Variants in RAPGEF2 observed in about 807,000 individuals in gnomAD.
RAPGEF2 encodes the protein PDZ domain containing guanine nucleotide exchange factor (GEF) 1.
RAPGEF2 carries 54 observed loss-of-function variants against 186.7 expected under a neutral mutation model. The ratio of observed to expected loss-of-function variants is 0.29; its 90% CI spans 0.23 to 0.36. RAPGEF2 has a LOEUF of 0.36. Ranked by LOEUF, RAPGEF2 falls within the 10% of genes least tolerant of loss-of-function variation. The pLI is 1.00. For synonymous variants in RAPGEF2, 712 were observed against 705.9 expected (o/e 1.01, Z -0.14); for missense variants, 1,532 against 2,045.0 (o/e 0.75, Z 4.84).
At chr4:159,195,821 T>C (rs1176489267) in intron 3 of RAPGEF2, among the ~76,000 whole-genome samples, 1 of 151,688 alleles carries the variant, frequency 6.6e-6, no homozygotes, top group African/African-American at 2.4e-5. Context: ...CTAACAATTA[T>C]TATTGATTAC....
intron 1 of RAPGEF2, among the ~76,000 whole-genome samples, chr4:159,157,770 C>T (rs991266515): frequency 1.3e-5 from 2 of 152,208 alleles, no homozygotes; most frequent in African/African-American, 2.4e-5. Context: ...CCTTGAAAAA[C>T]ACTCCCAACA....
At chr4:159,347,760 C>G (rs776155622) in intron 25 of RAPGEF2, among the ~76,000 whole-genome samples, 2 of 152,220 alleles carry the variant, frequency 1.3e-5, no homozygotes, top group Non-Finnish European at 2.9e-5. Context: ...CTCCTCCAGC[C>G]TGGGCGAAAG....
Position 159,353,686 on chromosome 4 carries a change from G to A in RAPGEF2, c.4291G>A (p.Glu1431Lys). Residue 1431 changes from glutamate (E) to lysine (K), a missense_variant, in exon 28 of 30, where the codon GAG becomes AAG. Transcript: ENST00000691494. This position sits in a 1 kb window ranked among gnomAD's most constrained non-coding sequence, Gnocchi z 4.3. ...IQTIQHQRSW[E>K]TLPFGHTHFD... ...GACGATCCAGCACCAGAGAAGCTGG[G>A]AGACTCTTCCATTCGGGCATACTCA... 2 of 1,591,274 alleles carry A rather than the reference G, an allele frequency of 1.3e-6. No individual in the cohort carries two copies. The highest frequency in any genetic ancestry group is 1.7e-6 in the Non-Finnish European group (2 of 1,169,474).
chr4:159,195,141 T>C (rs1748502435), intron 3 of RAPGEF2, among the ~76,000 whole-genome samples: 2 of 152,078 alleles, frequency 1.3e-5, no homozygotes, highest in Non-Finnish European at 2.9e-5. Flanking sequence ...CTACACCAAA[T>C]ATAGAGTCGT....
chr4:159,225,921 C>CT (rs1172982629), intron 4 of RAPGEF2, among the ~76,000 whole-genome samples: 1 of 152,108 alleles, frequency 6.6e-6, no homozygotes, highest in Non-Finnish European at 1.5e-5. Context: ...TCCTCCTAAT[C>CT]TAACATGTGC....
chr4:159,167,943 A>G (rs547901310), intron 1 of RAPGEF2, among the ~76,000 whole-genome samples: 5 of 152,372 alleles, frequency 3.3e-5, no homozygotes, highest in East Asian at 1.9e-4. Flanking sequence ...ACATTTTTCT[A>G]TTACAGTAAA....
At chr4:159,224,747 C>G (rs1231390994) in intron 4 of RAPGEF2, among the ~76,000 whole-genome samples, 2 of 152,152 alleles carry the variant, frequency 1.3e-5, no homozygotes, top group Non-Finnish European at 1.5e-5. Flanking sequence ...CCTGGAAGAT[C>G]TGGTAAAGTT....
At chr4:159,264,352 G>T (rs1314177750) in intron 7 of RAPGEF2, among the ~76,000 whole-genome samples, 6 of 152,158 alleles carry the variant, frequency 3.9e-5, no homozygotes, top group Non-Finnish European at 1.5e-5. Context: ...AGGTTTCCCG[G>T]TTAGGTTAGT....
At chr4:159,342,912 T>C in intron 20 of RAPGEF2, 67 bp from the exon 21 acceptor site, 3 of 1,346,194 alleles carry the variant, frequency 2.2e-6, no homozygotes, top group Non-Finnish European at 3.1e-6. Context: ...AGATGTTATA[T>C]GTCAATAAAT....
At chr4:159,323,917 T>C (rs1319410778) in intron 11 of RAPGEF2, among the ~76,000 whole-genome samples, 3 of 150,194 alleles carry the variant, frequency 2.0e-5, no homozygotes, top group African/African-American at 4.9e-5. Context: ...TTTTTTTTTT[T>C]TGAGACAGAG....
chr4:159,274,227 C>A (rs1374193652), intron 7 of RAPGEF2, among the ~76,000 whole-genome samples: 1 of 152,160 alleles, frequency 6.6e-6, no homozygotes, highest in Non-Finnish European at 1.5e-5. Context: ...AAAATCCTTT[C>A]ACAGTTACTT....
rs760175671 is a variant in RAPGEF2 at position 159,355,953 on chromosome 4, G to A, written c.4752G>A (p.Arg1584=). Residue 1584 remains arginine, a synonymous_variant, in exon 29 of 30, where the codon AGG becomes AGA. Coordinates refer to ENST00000691494, the MANE Select transcript of RAPGEF2 (RefSeq NM_001394067.2). The part of the protein sequence containing the change: ...DFPEGHSHPA[R]KPPDYNVALQ... ...CAGAAGGGCACTCCCATCCAGCCAG[G>A]AAACCGCCGGACTACAACGTGGCCC... The A allele has an allele frequency of 1.3e-5, 18 of 1,406,048 alleles. No individual in the cohort carries two copies. The South Asian group carries it at 2.0e-4, about 16-fold the overall frequency. The allele number at this position is 1,406,048 out of a possible 1,614,324, so 87.1% of individuals were successfully genotyped here.
chr4:159,227,351 T>C (rs968245963), intron 4 of RAPGEF2, among the ~76,000 whole-genome samples: 2 of 152,224 alleles, frequency 1.3e-5, no homozygotes, highest in African/African-American at 4.8e-5. Context: ...TTATAAAAAA[T>C]AAGGTCATTT....
intron 7 of RAPGEF2, among the ~76,000 whole-genome samples, chr4:159,246,624 A>G (rs972768159): frequency 1.3e-5 from 2 of 152,196 alleles, no homozygotes; most frequent in Non-Finnish European, 2.9e-5. Flanking sequence ...TCATTCAGCT[A>G]TTGAAACAAT....
At chr4:159,211,014 T>G (rs996242143) in intron 4 of RAPGEF2, among the ~76,000 whole-genome samples, 1 of 152,226 alleles carries the variant, frequency 6.6e-6, no homozygotes, top group Non-Finnish European at 1.5e-5. Context: ...TTGACATTTT[T>G]TGCTTCTCAA....
intron 1 of RAPGEF2, among the ~76,000 whole-genome samples, chr4:159,121,454 T>A (rs1739671396): frequency 6.6e-6 from 1 of 151,594 alleles, no homozygotes; most frequent in Admixed American, 6.6e-5. Context: ...GCAGCCTCAA[T>A]CTCTTGGACT....
chr4:159,213,346 A>G (rs931467744), intron 4 of RAPGEF2, among the ~76,000 whole-genome samples: 1 of 152,260 alleles, frequency 6.6e-6, no homozygotes, highest in South Asian at 2.1e-4. Context: ...TTATAAAACA[A>G]CTAGTTTACA....
chr4:159,352,303 C>G (rs1334393141), intron 26 of RAPGEF2, among the ~76,000 whole-genome samples: 1 of 152,078 alleles, frequency 6.6e-6, no homozygotes, highest in Non-Finnish European at 1.5e-5. Context: ...CTGTTGAAAA[C>G]AAGATCAGTG....
chr4:159,335,866 G>A (rs932802090), intron 17 of RAPGEF2, among the ~76,000 whole-genome samples: 1 of 149,410 alleles, frequency 6.7e-6, no homozygotes, highest in Non-Finnish European at 1.5e-5. Context: ...AAAAGGTTGA[G>A]TGTGCCTGCA....
Sources: allele counts gnomAD v4.1 joint callset (sites outside exome capture counted in the v4.1 genomes callset), GRCh38; gene constraint gnomAD v4.1.1; non-coding constraint Gnocchi (gnomAD v3.1); transcripts MANE v1.5; gene names NCBI Gene and HGNC (gene_info 2026-07-23, HGNC 2026-07-21).